Variants in ARNT2 observed in about 807,000 individuals in gnomAD.
The protein encoded by ARNT2 is aryl hydrocarbon receptor nuclear translocator 2, also known as ARNT protein 2.
In ARNT2, 36 loss-of-function variants were observed where a neutral mutation model predicts 91.7. The ratio of observed to expected loss-of-function variants is 0.39; its 90% CI spans 0.30 to 0.52. The LOEUF (loss-of-function observed/expected upper bound fraction) is 0.52, where lower values mean the gene tolerates loss of function less well. Among genes scored for constraint, ARNT2 ranks in the 20% least tolerant of loss-of-function variants. ARNT2 has a pLI of 0.72. For missense variants in ARNT2, 775 were observed against 939.3 expected (o/e 0.83, Z 2.29); for synonymous variants, 365 against 347.1 (o/e 1.05, Z -0.57).
At chr15:80,509,141 T>C (rs890931768) in intron 6 of ARNT2, among the ~76,000 whole-genome samples, 3 of 152,154 alleles carry the variant, frequency 2.0e-5, no homozygotes, top group African/African-American at 7.2e-5. Context: ...CGGGAGTCAA[T>C]GTTAAGTAAA....
At chr15:80,440,977 G>A (rs1281785026) in intron 1 of ARNT2, among the ~76,000 whole-genome samples, 1 of 152,194 alleles carries the variant, frequency 6.6e-6, no homozygotes, top group Non-Finnish European at 1.5e-5. Flanking sequence ...CATGTGCCCT[G>A]TCTTCATTCC....
At chr15:80,440,424 TC>T (rs1218506101) in intron 1 of ARNT2, among the ~76,000 whole-genome samples, 1 of 152,178 alleles carries the variant, frequency 6.6e-6, no homozygotes, top group African/African-American at 2.4e-5. Flanking sequence ...TTATTTTTAC[TC>T]CTTTTACAAA....
intron 1 of ARNT2, among the ~76,000 whole-genome samples, chr15:80,407,284 A>C (rs1055284291): frequency 6.6e-6 from 1 of 152,134 alleles, no homozygotes; most frequent in Non-Finnish European, 1.5e-5. Context: ...ACCATTTACA[A>C]TGACACTCTT....
At chr15:80,485,028 A>G (rs1213405867) in intron 5 of ARNT2, among the ~76,000 whole-genome samples, 1 of 152,234 alleles carries the variant, frequency 6.6e-6, no homozygotes, top group Non-Finnish European at 1.5e-5. Flanking sequence ...GACATATGGG[A>G]TAGTATTAAT....
At chr15:80,428,195 A>G (rs2141566747) in intron 1 of ARNT2, among the ~76,000 whole-genome samples, 1 of 152,370 alleles carries the variant, frequency 6.6e-6, no homozygotes, top group South Asian at 2.1e-4. Context: ...AAGAGGCAGA[A>G]CTGTGGAATC....
At position 80,509,441 on chromosome 15, in the gene ARNT2, C is replaced by CA. The variant is rs1371076117; in HGVS notation, c.725+1192dup. On this transcript the variant is annotated intron_variant, in intron 6 of 18. Coordinates refer to ENST00000303329, the MANE Select transcript of ARNT2 (RefSeq NM_014862.4). ...TGGGTAACAGAGTGAATCTCTGTCTCAAAAAAAAAGAGACTAAAATAATAA... is the reference window on the plus strand; with the variant it reads ...TGGGTAACAGAGTGAATCTCTGTCTCAAAAAAAAAAGAGACTAAAATAATAA... Among the ~76,000 whole-genome samples the CA allele has an allele frequency of 6.8e-5, 10 of 147,700 alleles. No homozygotes were observed. In the South Asian group the frequency reaches 1.1e-3, roughly 16 times the overall value.
intron 6 of ARNT2, among the ~76,000 whole-genome samples, chr15:80,509,492 A>AC (rs1159993417): frequency 2.6e-5 from 4 of 151,872 alleles, no homozygotes; most frequent in Non-Finnish European, 4.4e-5. Flanking sequence ...AGCAAACAAA[A>AC]CCCCTGCCTG....
intron 8 of ARNT2, among the ~76,000 whole-genome samples, chr15:80,535,728 G>GT (rs200894550): frequency 0.048 from 6,096 of 127,034 alleles, 244 homozygotes; most frequent in African/African-American, 0.12. Context: ...CATCACACAG[G>GT]TTTTTTTTTT....
intron 6 of ARNT2, among the ~76,000 whole-genome samples, chr15:80,512,324 C>T (rs1897355388): frequency 6.6e-6 from 1 of 152,192 alleles, no homozygotes; most frequent in Non-Finnish European, 1.5e-5. Context: ...TTGAGCCTCG[C>T]TGTTCTTTTC....
At chr15:80,427,498 G>A (rs1428202838) in intron 1 of ARNT2, among the ~76,000 whole-genome samples, 1 of 152,174 alleles carries the variant, frequency 6.6e-6, no homozygotes, top group Non-Finnish European at 1.5e-5. Context: ...AAGAAGGGAG[G>A]TTCTGCTAAG....
chr15:80,575,188 T>C lies in ARNT2; in HGVS notation c.1513+78T>C, dbSNP rs72732084. The C allele has an allele frequency of 0.16, 252,291 of 1,561,218 alleles. 22,068 individuals are homozygous for C. Among genetic ancestry groups the C allele is most frequent in the South Asian group, 0.23 (19,417 of 85,750 alleles). Reference sequence around the variant, plus strand: ...TCAGGCCATCTACAGACAGCTACTCTTAGTAAGAGGGGGCCACGGAAGGTG... The same window carrying C: ...TCAGGCCATCTACAGACAGCTACTCCTAGTAAGAGGGGGCCACGGAAGGTG... On this transcript the variant is annotated intron_variant, in intron 14 of 18. Coordinates refer to ENST00000303329, the MANE Select transcript of ARNT2 (RefSeq NM_014862.4).
intron 7 of ARNT2, 150 bp from the exon 8 acceptor site, chr15:80,514,170 G>A: frequency 2.1e-6 from 2 of 971,586 alleles, no homozygotes; most frequent in East Asian, 2.4e-5. Flanking sequence ...CAGACCATGT[G>A]GGAGGAAGGA....
intron 8 of ARNT2, among the ~76,000 whole-genome samples, chr15:80,533,104 T>C (rs967615946): frequency 6.6e-6 from 1 of 152,062 alleles, no homozygotes; most frequent in African/African-American, 2.4e-5. Context: ...GCAGCCACTG[T>C]TGGGGAGGGG....
At chr15:80,513,707 C>T (rs1170325682) in intron 6 of ARNT2, among the ~76,000 whole-genome samples, 2 of 124,872 alleles carry the variant, frequency 1.6e-5, no homozygotes, top group African/African-American at 6.4e-5. Context: ...GTCACACTCT[C>T]CTTTCTTCAG....
intron 2 of ARNT2, among the ~76,000 whole-genome samples, chr15:80,453,046 A>G (rs1896425149): frequency 6.6e-6 from 1 of 152,196 alleles, no homozygotes; most frequent in Non-Finnish European, 1.5e-5. Flanking sequence ...TGTTGGGACG[A>G]CAGGCATGAG....
intron 1 of ARNT2, among the ~76,000 whole-genome samples, chr15:80,425,938 A>G (rs528652146): frequency 1.9e-4 from 29 of 152,232 alleles, no homozygotes; most frequent in African/African-American, 6.3e-4. Flanking sequence ...TGTGGTCCCA[A>G]CTACTGTGCA....
intron 5 of ARNT2, among the ~76,000 whole-genome samples, chr15:80,506,443 G>A (rs1433948352): frequency 6.6e-6 from 1 of 152,246 alleles, no homozygotes. Context: ...AACATCAGAG[G>A]TTGGGGGATT....
rs754379136 is a variant in ARNT2 at position 80,563,116 on chromosome 15, C to T, written c.1193C>T (p.Ser398Leu). 3.7e-6 allele frequency: 6 copies of T among 1,614,154 alleles called. No homozygotes were observed. Among genetic ancestry groups the T allele is most frequent in the Non-Finnish European group, 5.1e-6 (6 of 1,180,032 alleles). The stretch of plus-strand genomic sequence containing the variant: ...GTTAAGCTGAAAGGCCAAGTCCTGT[C>T]GGTCATGTATCGATTTCGCACCAAG... ...QVVKLKGQVL[S>L]VMYRFRTKNR... The change falls in exon 12 of 19, where the codon TCG (serine) becomes TTG (leucine). Residue 398 changes from serine to leucine, a missense_variant. Physicochemically the swap from Ser to Leu is moderately radical, Grantham distance 145 (BLOSUM62 -2). Coordinates refer to ENST00000303329, the MANE Select transcript of ARNT2 (RefSeq NM_014862.4).
intron 6 of ARNT2, among the ~76,000 whole-genome samples, chr15:80,508,568 C>G (rs1205014791): frequency 6.6e-6 from 1 of 152,204 alleles, no homozygotes; most frequent in East Asian, 1.9e-4. Flanking sequence ...AATCCAACCT[C>G]TCCAAGATTC....
Sources: gnomAD v4.1 joint callset for allele counts (sites outside exome capture counted in the v4.1 genomes callset) on GRCh38, gnomAD v4.1.1 for gene constraint, MANE v1.5 for transcripts, NCBI Gene and HGNC (gene_info 2026-07-23, HGNC 2026-07-21) for gene names.